Variants in BCAS3 observed in about 807,000 individuals in gnomAD.
BCAS3 encodes BCAS4/BCAS3 fusion.
Under a neutral mutation model 116.1 loss-of-function variants are expected in BCAS3, and 53 were observed. The observed-to-expected ratio is 0.46, with a 90% CI of 0.37 to 0.57. The LOEUF is 0.57. BCAS3 is among the 20% of genes least tolerant of loss of function. The probability of loss-of-function intolerance (pLI) is 0.00; values close to 1 mark genes in which losing one functional copy is unlikely to be tolerated. For synonymous variants in BCAS3, 391 were observed against 408.2 expected (o/e 0.96, Z 0.51); for missense variants, 917 against 1,165.4 (o/e 0.79, Z 3.10).
At chr17:61,142,976 C>G (rs1222957399) in intron 22 of BCAS3, among the ~76,000 whole-genome samples, 2 of 152,110 alleles carry the variant, frequency 1.3e-5, no homozygotes, top group Non-Finnish European at 2.9e-5. Context: ...GAAGCTTTTT[C>G]TTCTAGCATT....
In BCAS3 at chr17:61,243,565, G is replaced by T. The variant is rs1295810424; in HGVS notation, c.2426-124762G>T. Among the ~76,000 whole-genome samples, 2 of 152,116 alleles carry T rather than the reference G, an allele frequency of 1.3e-5. No homozygotes were observed. Among genetic ancestry groups the T allele is most frequent in the Non-Finnish European group, 2.9e-5 (2 of 68,032 alleles). ...TAATTTTTTGAGGAATGTCATAAGT[G>T]TGTCTCAAGAAAATATAAAGACAGT... On this transcript the variant is annotated intron_variant, in intron 22 of 23. Coordinates refer to ENST00000407086, the MANE Select transcript of BCAS3 (RefSeq NM_017679.5). This position sits in a 1 kb window ranked among gnomAD's most constrained non-coding sequence, Gnocchi z 5.6.
chr17:61,147,482 A>G lies in BCAS3; in HGVS notation c.2425+62918A>G, dbSNP rs1450589955. Among the ~76,000 whole-genome samples the G allele has an allele frequency of 3.3e-5, 5 of 152,162 alleles. No homozygotes were observed. The East Asian group carries it at 7.7e-4, about 24-fold the overall frequency. On this transcript the variant is annotated intron_variant, in intron 22 of 23. Transcript: ENST00000407086. The stretch of plus-strand genomic sequence containing the variant: ...AATCAGTCTATCCACCTTGGCCTCC[A>G]AAAGTGCTGGGATTACAGGTGTGCA...
intron 6 of BCAS3, among the ~76,000 whole-genome samples, chr17:60,766,871 C>T (rs2044151577): frequency 6.6e-6 from 1 of 152,232 alleles, no homozygotes; most frequent in Admixed American, 6.5e-5. Context: ...AGCTTCCTGG[C>T]TGCTTTGTTT....
Position 60,813,952 on chromosome 17 carries a change from C to T in BCAS3, c.476+5876C>T, listed in dbSNP as rs1241418993. On this transcript the variant is annotated intron_variant, in intron 7 of 23. Coordinates refer to ENST00000407086, the MANE Select transcript of BCAS3 (RefSeq NM_017679.5). ...GTAGCCTTATAGTATAGTTTGAAGT[C>T]AGGTAATATAATGTCTCAGCTTTGT... Among the ~76,000 whole-genome samples, 3 of 152,092 alleles carry T rather than the reference C, an allele frequency of 2.0e-5. No homozygotes were observed. In the East Asian group the frequency reaches 5.8e-4, roughly 29 times the overall value.
At chr17:60,851,510 G>A (rs1599157373) in intron 7 of BCAS3, 5 of 589,950 alleles carry the variant, frequency 8.5e-6, no homozygotes, top group Admixed American at 2.2e-5. Flanking sequence ...CAGCAGCAAA[G>A]CATTGAAACC....
chr17:60,792,862 A>G (rs967223675), intron 6 of BCAS3, among the ~76,000 whole-genome samples: 1 of 152,158 alleles, frequency 6.6e-6, no homozygotes, highest in Admixed American at 6.5e-5. Context: ...AGTCTCAGGT[A>G]TACTGTTATG....
intron 22 of BCAS3, among the ~76,000 whole-genome samples, chr17:61,350,416 A>G (rs547500976): frequency 4.3e-4 from 61 of 140,678 alleles, no homozygotes; most frequent in African/African-American, 1.6e-3. Flanking sequence ...CTCTGTCTCA[A>G]TAAATAAATA....
At chr17:60,973,118 A>G (rs1311420805) in intron 14 of BCAS3, among the ~76,000 whole-genome samples, 1 of 152,126 alleles carries the variant, frequency 6.6e-6, no homozygotes, top group Non-Finnish European at 1.5e-5. Flanking sequence ...CACGTTATAA[A>G]ATGTTTGCTG....
Position 61,364,129 on chromosome 17 carries a change from C to T in BCAS3, c.2426-4198C>T, listed in dbSNP as rs1265249495. On this transcript the variant is annotated intron_variant, in intron 22 of 23. Coordinates refer to ENST00000407086, the MANE Select transcript of BCAS3 (RefSeq NM_017679.5). This position sits in a 1 kb window ranked among gnomAD's most constrained non-coding sequence, Gnocchi z 5.4. Reference sequence around the variant, plus strand: ...AGCAGGACCACTGATTGTATCCTCTCTATGACGTCTCAGGACGGTAGAAAT... The same window carrying T: ...AGCAGGACCACTGATTGTATCCTCTTTATGACGTCTCAGGACGGTAGAAAT... Among the ~76,000 whole-genome samples the T allele has an allele frequency of 6.6e-6, 1 of 152,224 alleles. No individual in the cohort carries two copies. The highest frequency in any genetic ancestry group is 2.4e-5 in the African/African-American group (1 of 41,464).
At chr17:60,880,243 A>T (rs75602442) in intron 9 of BCAS3, among the ~76,000 whole-genome samples, 4,688 of 151,310 alleles carry the variant, frequency 0.031, 179 homozygotes, top group East Asian at 0.091. Context: ...TTATATGCTT[A>T]TGTGTTTTTC....
intron 14 of BCAS3, among the ~76,000 whole-genome samples, chr17:60,981,242 A>C (rs1439505395): frequency 6.6e-6 from 1 of 151,978 alleles, no homozygotes; most frequent in Non-Finnish European, 1.5e-5. Flanking sequence ...CAAGTAAGAG[A>C]CTAATATAGT....
intron 22 of BCAS3, among the ~76,000 whole-genome samples, chr17:61,304,928 TG>T (rs2053731119): frequency 6.6e-6 from 1 of 152,106 alleles, no homozygotes; most frequent in South Asian, 2.1e-4. Context: ...TAATTTTTTT[TG>T]TATTATTAGT....
At chr17:61,042,645 T>G (rs2067604193) in intron 19 of BCAS3, among the ~76,000 whole-genome samples, 1 of 151,766 alleles carries the variant, frequency 6.6e-6, no homozygotes, top group Non-Finnish European at 1.5e-5. Flanking sequence ...CCCAGCACTT[T>G]GAGAGGCTGA....
chr17:60,729,640 T>C (rs2040262468), intron 5 of BCAS3, among the ~76,000 whole-genome samples: 1 of 152,206 alleles, frequency 6.6e-6, no homozygotes, highest in South Asian at 2.1e-4. Context: ...TAATTATCTA[T>C]TGCAAATCTA....
chr17:60,838,730 TA>T (rs2051602099), intron 7 of BCAS3, among the ~76,000 whole-genome samples: 1 of 152,238 alleles, frequency 6.6e-6, no homozygotes, highest in South Asian at 2.1e-4. Context: ...TGTTGACTTC[TA>T]TATACCGCCA....
intron 6 of BCAS3, among the ~76,000 whole-genome samples, chr17:60,770,972 C>G (rs1211873644): frequency 3.3e-5 from 5 of 150,778 alleles, no homozygotes; most frequent in African/African-American, 9.7e-5. Context: ...TGTGCCACCA[C>G]GCCTACCTAA....
Position 61,139,422 on chromosome 17 carries a change from T to C in BCAS3, c.2425+54858T>C, listed in dbSNP as rs962701915. The stretch of plus-strand genomic sequence containing the variant: ...CCTCTTACACATGTGTCTTCCTTCT[T>C]CAGTTTCTCAGTCTGTCGAGAGAGC... On this transcript the variant is annotated intron_variant, in intron 22 of 23. Transcript: ENST00000407086. This position sits in a 1 kb window ranked among gnomAD's most constrained non-coding sequence, Gnocchi z 4.7. Among the ~76,000 whole-genome samples, 3 of 152,330 alleles carry C rather than the reference T, an allele frequency of 2.0e-5. No homozygotes were observed. In the South Asian group the frequency reaches 6.2e-4, roughly 32 times the overall value.
chr17:60,762,353 A>G (rs566449922), intron 6 of BCAS3, among the ~76,000 whole-genome samples: 4 of 152,222 alleles, frequency 2.6e-5, no homozygotes, highest in Non-Finnish European at 5.9e-5. Flanking sequence ...TAAGTCTGTA[A>G]TCCATCTTGA....
intron 22 of BCAS3, among the ~76,000 whole-genome samples, chr17:61,321,859 G>A (rs969545405): frequency 2.0e-5 from 3 of 152,134 alleles, no homozygotes; most frequent in African/African-American, 7.2e-5. Flanking sequence ...GCAAGTTATT[G>A]ATCTCTGAGC....
Sources: allele counts gnomAD v4.1 joint callset (sites outside exome capture counted in the v4.1 genomes callset), GRCh38; gene constraint gnomAD v4.1.1; non-coding constraint Gnocchi (gnomAD v3.1); transcripts MANE v1.5; gene names NCBI Gene and HGNC (gene_info 2026-07-23, HGNC 2026-07-21).